ZNF75D: variants seen among roughly 807,000 people sequenced by gnomAD.
ZNF75D encodes the protein zinc finger protein 75.
In ZNF75D, 33 loss-of-function variants were observed where a neutral mutation model predicts 33.3. That is an observed-to-expected ratio of 0.99 (90% confidence interval 0.75 to 1.32). The LOEUF is 1.32. Ranked by LOEUF, ZNF75D falls within the 40% of genes most tolerant of loss-of-function variation. The probability of loss-of-function intolerance (pLI) is 0.00; values close to 1 mark genes in which losing one functional copy is unlikely to be tolerated. For missense variants in ZNF75D, 338 were observed against 367.5 expected, an observed-to-expected ratio of 0.92 and a Z score of 0.66; for synonymous variants, 113 against 130.6, an observed-to-expected ratio of 0.87 and a Z score of 0.92.
intron 1 of ZNF75D, among the ~76,000 whole-genome samples, chrX:135,323,989 GCACACACACACACACA>G (rs34146473): frequency 2.0e-5 from 2 of 97,602 alleles, no homozygotes; most frequent in Non-Finnish European, 4.2e-5. Context: ...ACTTGTTGCA[GCACACACACACACACA>G]CACACACACA....
chrX:135,294,088 GC>G lies in ZNF75D; in HGVS notation c.52del (p.Ala18LeufsTer9). ...CACAGACCCACTAGTCTCCCACATAGCCCCCATCTGGGGGCTTGAGCATGAA... is the reference window on the plus strand; with the variant it reads ...CACAGACCCACTAGTCTCCCACATAGCCCCATCTGGGGGCTTGAGCATGAA... The part of the protein sequence containing the change: ...ADSCSSPQMG[A>X]MWETSGSVKE... On this transcript the variant is annotated frameshift_variant, in exon 3 of 7. Coordinates refer to ENST00000370766, the MANE Select transcript of ZNF75D (RefSeq NM_007131.5). LOFTEE classifies it high-confidence loss of function. 1 of 1,206,243 alleles carries G rather than the reference GC, an allele frequency of 8.3e-7. No homozygotes were observed. Among genetic ancestry groups the G allele is most frequent in the East Asian group, 3.0e-5 (1 of 33,778 alleles).
intron 5 of ZNF75D, 162 bp from the exon 6 acceptor site, chrX:135,291,297 T>A: frequency 1.2e-6 from 1 of 806,317 alleles, no homozygotes; most frequent in Non-Finnish European, 1.8e-6. Flanking sequence ...AGAGGATCAG[T>A]AAATCACCTG....
intron 1 of ZNF75D, among the ~76,000 whole-genome samples, chrX:135,300,748 A>C (rs2084207811): frequency 8.4e-5 from 1 of 11,865 alleles, no homozygotes; most frequent in South Asian, 2.4e-3. Context: ...CTCCATCTCA[A>C]AAAAAAAAAA....
chrX:135,317,371 G>A lies in ZNF75D; in HGVS notation c.-390-21332C>T, dbSNP rs2084433932. On this transcript the variant is annotated intron_variant, in intron 1 of 6. Coordinates refer to ENST00000370766, the MANE Select transcript of ZNF75D (RefSeq NM_007131.5). ...CCCACTGGTGGCAGCAGTGGGCTAA[G>A]CATGCCTGTCCTTGGGTCCCAGGGT... Among the ~76,000 whole-genome samples, 3 of 111,967 alleles carry A rather than the reference G, an allele frequency of 2.7e-5. No individual in the cohort carries two copies. In the South Asian group the frequency reaches 1.1e-3, roughly 42 times the overall value.
chrX:135,265,279 GA>G (rs1272797875), intron 1 of ZNF75D, among the ~76,000 whole-genome samples: 1 of 110,543 alleles, frequency 9.0e-6, no homozygotes, highest in African/African-American at 3.3e-5. Context: ...GACAGGGGTA[GA>G]AAGTTCATTC....
At chrX:135,295,147 T>A (rs1270433818) in intron 2 of ZNF75D, among the ~76,000 whole-genome samples, 1 of 111,685 alleles carries the variant, frequency 9.0e-6, no homozygotes, top group Non-Finnish European at 1.9e-5. Context: ...TTCCCTGAGG[T>A]GATCCAGCAG....
intron 1 of ZNF75D, among the ~76,000 whole-genome samples, chrX:135,273,420 C>T (rs2083889831): frequency 9.0e-6 from 1 of 111,652 alleles, no homozygotes; most frequent in African/African-American, 3.3e-5. Flanking sequence ...TCCTACTTAA[C>T]TGACTTAGGA....
chrX:135,312,775 T>C (rs1016892623), intron 1 of ZNF75D, among the ~76,000 whole-genome samples: 3 of 110,980 alleles, frequency 2.7e-5, no homozygotes, highest in Non-Finnish European at 5.7e-5. Context: ...ACTTTTTTCG[T>C]ATACCTGTTG....
intron 1 of ZNF75D, among the ~76,000 whole-genome samples, chrX:135,260,878 T>C (rs1281998551): frequency 8.9e-6 from 1 of 112,034 alleles, no homozygotes; most frequent in East Asian, 2.8e-4. Context: ...CTAGTTCTTT[T>C]AATTGTGATG....
At chrX:135,308,547 T>C (rs781796026) in intron 1 of ZNF75D, among the ~76,000 whole-genome samples, 1 of 111,961 alleles carries the variant, frequency 8.9e-6, no homozygotes. Context: ...AGATACAGGC[T>C]TTTTTCAGTT....
intron 1 of ZNF75D, among the ~76,000 whole-genome samples, chrX:135,322,823 A>T (rs1556435318): frequency 1.8e-5 from 2 of 112,282 alleles, no homozygotes; most frequent in Non-Finnish European, 3.8e-5. Context: ...TAGGCAATGT[A>T]ACAGTTCTGT....
intron 1 of ZNF75D, among the ~76,000 whole-genome samples, chrX:135,333,788 T>C (rs1438504625): frequency 1.8e-5 from 2 of 111,443 alleles, no homozygotes; most frequent in African/African-American, 3.3e-5. Flanking sequence ...AAAGTTTTAA[T>C]TCCCCCCAAA....
intron 1 of ZNF75D, among the ~76,000 whole-genome samples, chrX:135,314,621 G>T (rs1220693358): frequency 1.8e-5 from 2 of 111,227 alleles, no homozygotes; most frequent in African/African-American, 3.3e-5. Context: ...ACTTTTCTTT[G>T]TTGGGAGATT....
Position 135,293,607 on chromosome X carries a change from T to C in ZNF75D, c.411+123A>G, listed in dbSNP as rs1482578151. On this transcript the variant is annotated intron_variant, in intron 3 of 6. Transcript: ENST00000370766. ...CATGTATGTCATTTCAGATCCTTGC[T>C]AGCTGTCCTAAAGGAGCAACAGAAG... 8 of 644,012 alleles carry C rather than the reference T, an allele frequency of 1.2e-5. No homozygotes were observed. The Admixed American group carries it at 1.7e-4, about 13-fold the overall frequency. The allele number at this position is 644,012 out of a possible 1,213,427, so 53.1% of individuals were successfully genotyped here. A position where few individuals can be genotyped will look rare whatever the true frequency, so the allele number is the denominator to read the frequency against.
chrX:135,306,969 T>C (rs1340194845), intron 1 of ZNF75D, among the ~76,000 whole-genome samples: 1 of 111,388 alleles, frequency 9.0e-6, no homozygotes, highest in Non-Finnish European at 1.9e-5. Flanking sequence ...CACCTCAGCC[T>C]TCCAGAGGCT....
chrX:135,274,658 T>G (rs2083893445), intron 1 of ZNF75D, among the ~76,000 whole-genome samples: 1 of 112,233 alleles, frequency 8.9e-6, no homozygotes, highest in Non-Finnish European at 1.9e-5. Context: ...GTCTAATATC[T>G]CAGTATACAG....
chrX:135,280,169 G>A (rs983046216), intron 1 of ZNF75D, among the ~76,000 whole-genome samples: 2 of 111,888 alleles, frequency 1.8e-5, no homozygotes, highest in Non-Finnish European at 3.8e-5. Flanking sequence ...GGGTCCTCCT[G>A]TATTGGGTGC....
intron 1 of ZNF75D, among the ~76,000 whole-genome samples, chrX:135,340,434 G>T (rs1472832319): frequency 2.7e-5 from 3 of 112,304 alleles, no homozygotes; most frequent in Non-Finnish European, 3.8e-5. Flanking sequence ...CCTCCTTTCT[G>T]AATTTTTAAA....
intron 6 of ZNF75D, among the ~76,000 whole-genome samples, chrX:135,288,527 A>G (rs1378610670): frequency 8.9e-6 from 1 of 112,457 alleles, no homozygotes; most frequent in Non-Finnish European, 1.9e-5. Context: ...CCAAACTCTT[A>G]TACTATTTAG....
Sources: allele counts gnomAD v4.1 joint callset (sites outside exome capture counted in the v4.1 genomes callset), GRCh38; gene constraint gnomAD v4.1.1; transcripts MANE v1.5; gene names NCBI Gene and HGNC (gene_info 2026-07-23, HGNC 2026-07-21).